PCDH7: variants seen among roughly 807,000 people sequenced by gnomAD.
The protein encoded by PCDH7 is protocadherin 7.
PCDH7 carries 17 observed loss-of-function variants against 58.9 expected under a neutral mutation model. That is an observed-to-expected ratio of 0.29 (90% CI 0.20 to 0.43). The LOEUF (loss-of-function observed/expected upper bound fraction) is 0.43. PCDH7 is among the 20% of genes least tolerant of loss of function. PCDH7 has a pLI of 1.00. For synonymous variants in PCDH7, 664 were observed against 616.4 expected (o/e 1.08, Z -1.14); for missense variants, 1,274 against 1,441.0 (o/e 0.88, Z 1.88).
chr4:31,142,529 G>A (rs1169584528), exon 4 of PCDH7: 3 of 1,367,744 alleles, frequency 2.2e-6, no homozygotes, highest in Middle Eastern at 2.1e-4. Context: ...TGAGTGTGAT[G>A]AGTATGGCCA....
In PCDH7 at chr4:30,893,854, T is replaced by A. The variant is rs555614940; in HGVS notation, c.71-26299T>A. Among the ~76,000 whole-genome samples the A allele has an allele frequency of 2.0e-5, 3 of 152,238 alleles. No individual in the cohort carries two copies. The East Asian group carries it at 5.8e-4, about 29-fold the overall frequency. ...TGCTGCTTACACAGGCCTGCATGTATCATCTTGGCTAAATTTGCTAGATTA... is the reference window on the plus strand; with the variant it reads ...TGCTGCTTACACAGGCCTGCATGTAACATCTTGGCTAAATTTGCTAGATTA... On this transcript the variant is annotated intron_variant, in intron 1 of 3. Transcript: ENST00000509759.
intron 1 of PCDH7, among the ~76,000 whole-genome samples, chr4:30,861,556 A>C (rs1734204532): frequency 6.6e-6 from 1 of 152,164 alleles, no homozygotes; most frequent in African/African-American, 2.4e-5. Flanking sequence ...AGGATAGATA[A>C]TTTTTAACTA....
intron 1 of PCDH7, among the ~76,000 whole-genome samples, chr4:30,844,475 CA>C (rs1163434585): frequency 6.6e-6 from 1 of 152,100 alleles, no homozygotes; most frequent in Non-Finnish European, 1.5e-5. Flanking sequence ...TATCGACTTC[CA>C]CATACTTCTG....
At chr4:30,967,651 A>G (rs796922481) in intron 3 of PCDH7, among the ~76,000 whole-genome samples, 11 of 152,256 alleles carry the variant, frequency 7.2e-5, no homozygotes, top group African/African-American at 2.4e-4. Flanking sequence ...TCTCGCTCCC[A>G]TGAAATTTAT....
chr4:31,078,257 G>T (rs765893519), intron 3 of PCDH7, among the ~76,000 whole-genome samples: 12 of 151,958 alleles, frequency 7.9e-5, no homozygotes, highest in Non-Finnish European at 1.8e-4. Context: ...ACATCTACCA[G>T]ACTCAAAGTA....
intron 1 of PCDH7, among the ~76,000 whole-genome samples, chr4:30,798,565 C>A (rs966735140): frequency 6.6e-6 from 1 of 152,100 alleles, no homozygotes; most frequent in Non-Finnish European, 1.5e-5. Flanking sequence ...TTCGTAGGCA[C>A]AAAGACATTT....
intron 1 of PCDH7, among the ~76,000 whole-genome samples, chr4:30,786,186 C>T (rs1723367243): frequency 1.3e-5 from 2 of 152,008 alleles, no homozygotes; most frequent in Non-Finnish European, 2.9e-5. Flanking sequence ...TTGTTGATAG[C>T]ATATAACTTG....
chr4:30,834,532 GTGTC>G (rs1299570000), intron 1 of PCDH7, among the ~76,000 whole-genome samples: 1 of 152,084 alleles, frequency 6.6e-6, no homozygotes. Context: ...CTTCTTAAAT[GTGTC>G]TGTTCCCCAA....
chr4:30,860,983 T>C (rs540178342), intron 1 of PCDH7, among the ~76,000 whole-genome samples: 72 of 152,338 alleles, frequency 4.7e-4, no homozygotes, highest in African/African-American at 1.7e-3. Flanking sequence ...TTTTTGGATC[T>C]ATATATTTTA....
In PCDH7 at chr4:30,994,432, A is replaced by G. The variant is rs559572424; in HGVS notation, c.*7+44217A>G. ...ATTCAGAAGTAGATGAAAAAAAGCA[A>G]ATTCATTTTATCTTCGTTCTGTACC... On this transcript the variant is annotated intron_variant, in intron 3 of 3. Transcript: ENST00000509759. 1.5e-3 allele frequency among the ~76,000 whole-genome samples: 234 copies of G among 152,312 alleles called. 2 individuals carry two copies. Among genetic ancestry groups the G allele is most frequent in the Non-Finnish European group, 8.4e-4 (57 of 68,014 alleles).
intron 3 of PCDH7, among the ~76,000 whole-genome samples, chr4:31,086,672 C>T (rs1712484131): frequency 6.6e-6 from 1 of 152,104 alleles, no homozygotes; most frequent in African/African-American, 2.4e-5. Flanking sequence ...GGTATAGATA[C>T]ATTTCTTATT....
intron 1 of PCDH7, among the ~76,000 whole-genome samples, chr4:30,756,821 G>A (rs567664505): frequency 6.6e-6 from 1 of 152,246 alleles, no homozygotes; most frequent in South Asian, 2.1e-4. Flanking sequence ...TCCTTTGTAC[G>A]TATTTATTTC....
At chr4:30,995,560 A>G (rs1280216312) in intron 3 of PCDH7, among the ~76,000 whole-genome samples, 2 of 151,840 alleles carry the variant, frequency 1.3e-5, no homozygotes, top group Non-Finnish European at 2.9e-5. Context: ...TTTATTTCCT[A>G]TTTCCACTGT....
chr4:31,072,988 A>G (rs1578719778), intron 3 of PCDH7, among the ~76,000 whole-genome samples: 2 of 152,188 alleles, frequency 1.3e-5, no homozygotes, highest in East Asian at 3.9e-4. Context: ...AGTAAAACAC[A>G]TGTCCCAGCT....
chr4:30,976,711 A>C (rs922419287), intron 3 of PCDH7, among the ~76,000 whole-genome samples: 4 of 152,082 alleles, frequency 2.6e-5, no homozygotes, highest in African/African-American at 9.7e-5. Context: ...TAAAATTCTT[A>C]AAGAAAAGCG....
chr4:30,836,591 G>A (rs539842613), intron 1 of PCDH7, among the ~76,000 whole-genome samples: 8 of 152,154 alleles, frequency 5.3e-5, no homozygotes, highest in South Asian at 2.1e-4. Flanking sequence ...CATTTACTGT[G>A]GCTTATGAAA....
intron 1 of PCDH7, among the ~76,000 whole-genome samples, chr4:30,855,629 T>C (rs1733355220): frequency 6.6e-6 from 1 of 152,182 alleles, no homozygotes; most frequent in African/African-American, 2.4e-5. Context: ...GTTAATTTCT[T>C]GAAATCTGTT....
chr4:30,838,365 A>G (rs995567982), intron 1 of PCDH7, among the ~76,000 whole-genome samples: 1 of 151,990 alleles, frequency 6.6e-6, no homozygotes, highest in Non-Finnish European at 1.5e-5. Flanking sequence ...TCTGGAATGA[A>G]CTCTTGGGAG....
chr4:30,813,734 T>C (rs894797101), intron 1 of PCDH7, among the ~76,000 whole-genome samples: 1 of 152,186 alleles, frequency 6.6e-6, no homozygotes, highest in Non-Finnish European at 1.5e-5. Flanking sequence ...CTCCACCTTC[T>C]GGTTTCAAGC....
Sources: gnomAD v4.1 joint callset for allele counts (sites outside exome capture counted in the v4.1 genomes callset) on GRCh38, gnomAD v4.1.1 for gene constraint, MANE v1.5 for transcripts, NCBI Gene and HGNC (gene_info 2026-07-23, HGNC 2026-07-21) for gene names.